PCDH11X: variants seen among roughly 807,000 people sequenced by gnomAD.
PCDH11X encodes protocadherin-11 X-linked.
PCDH11X carries 18 observed loss-of-function variants against 53.3 expected under a neutral mutation model. The ratio of observed to expected loss-of-function variants is 0.34; its 90% CI spans 0.23 to 0.50. PCDH11X has a LOEUF of 0.50. Among genes scored for constraint, PCDH11X ranks in the 20% least tolerant of loss-of-function variants. PCDH11X has a pLI of 0.98. For synonymous variants in PCDH11X, 279 were observed against 393.3 expected (o/e 0.71, Z 3.44); for missense variants, 570 against 1,032.4 (o/e 0.55, Z 6.14).
intron 10 of PCDH11X, among the ~76,000 whole-genome samples, chrX:92,482,430 C>T (rs1018360931): frequency 1.8e-5 from 2 of 109,984 alleles, no homozygotes; most frequent in Admixed American, 9.8e-5. Flanking sequence ...GAAAATACAG[C>T]TGTGTGCATA....
At chrX:92,287,642 T>A (rs942206542) in intron 8 of PCDH11X, among the ~76,000 whole-genome samples, 1 of 112,065 alleles carries the variant, frequency 8.9e-6, no homozygotes, top group Non-Finnish European at 1.9e-5. Context: ...TTTCTTCCTT[T>A]TCTTTTGTTT....
intron 10 of PCDH11X, among the ~76,000 whole-genome samples, chrX:92,514,895 A>C (rs2074232239): frequency 9.6e-6 from 1 of 104,679 alleles, no homozygotes; most frequent in Admixed American, 1.0e-4. Context: ...AAAATACAAA[A>C]AATTAGCCAG....
intron 6 of PCDH11X, among the ~76,000 whole-genome samples, chrX:91,989,574 CAA>C (rs11433718): frequency 9.7e-6 from 1 of 102,654 alleles, no homozygotes; most frequent in Non-Finnish European, 2.0e-5. Flanking sequence ...AAAACAACAA[CAA>C]AAAAAAGAAT....
chrX:92,591,191 A>T (rs752422225), intron 10 of PCDH11X, among the ~76,000 whole-genome samples: 9 of 110,741 alleles, frequency 8.1e-5, no homozygotes, highest in Admixed American at 1.9e-4. Flanking sequence ...AAATGGAAAA[A>T]GGTGATTTTC....
chrX:92,409,495 C>T (rs1182079119), intron 9 of PCDH11X, among the ~76,000 whole-genome samples: 2 of 112,097 alleles, frequency 1.8e-5, no homozygotes, highest in Non-Finnish European at 3.8e-5. Context: ...CAGATAAATT[C>T]TATATTGGTG....
intron 1 of PCDH11X, among the ~76,000 whole-genome samples, chrX:91,789,279 G>T (rs1428554679): frequency 1.0e-5 from 1 of 99,943 alleles, no homozygotes; most frequent in African/African-American, 3.6e-5. Flanking sequence ...ATGGTTGTTT[G>T]CTAGGTTGTG....
intron 7 of PCDH11X, among the ~76,000 whole-genome samples, chrX:92,205,165 G>A (rs2066453959): frequency 8.9e-6 from 1 of 111,797 alleles, no homozygotes; most frequent in Non-Finnish European, 1.9e-5. Context: ...GGACAGCTTG[G>A]CAGTTGGAAG....
chrX:91,911,608 C>T (rs2147803003), intron 6 of PCDH11X, among the ~76,000 whole-genome samples: 1 of 110,007 alleles, frequency 9.1e-6, no homozygotes, highest in South Asian at 3.9e-4. Flanking sequence ...ACTTACCCTC[C>T]TCTCCCCAAC....
chrX:92,065,077 C>T (rs766230888), intron 6 of PCDH11X, among the ~76,000 whole-genome samples: 85 of 100,439 alleles, frequency 8.5e-4, no homozygotes, highest in Non-Finnish European at 1.5e-3. Flanking sequence ...AGGGTGGATC[C>T]CTGGGGCTCG....
chrX:92,444,543 T>C (rs1184630501), intron 9 of PCDH11X, among the ~76,000 whole-genome samples: 2 of 109,774 alleles, frequency 1.8e-5, no homozygotes, highest in Non-Finnish European at 3.8e-5. Flanking sequence ...TTCCCTTTCC[T>C]GATTGCTCTG....
intron 8 of PCDH11X, among the ~76,000 whole-genome samples, chrX:92,325,883 G>T (rs1458299460): frequency 9.0e-6 from 1 of 111,259 alleles, no homozygotes; most frequent in Non-Finnish European, 1.9e-5. Flanking sequence ...TCTCTCTGTA[G>T]TCAAGTGTTT....
rs781448156 is a variant in PCDH11X, at chrX:92,104,956, C to A, written c.3034-96419C>A. Among the ~76,000 whole-genome samples the A allele has an allele frequency of 2.4e-3, 270 of 110,528 alleles. 1 individual carries two copies. The highest frequency in any genetic ancestry group is 9.3e-3 in the Middle Eastern group (2 of 214). Reference sequence around the variant, plus strand: ...GTGAAGGAGAAGGGGTTGAGGGGTACTTGCCCCTGCCCCAGGAAAGCGAGA... The same window carrying A: ...GTGAAGGAGAAGGGGTTGAGGGGTAATTGCCCCTGCCCCAGGAAAGCGAGA... On this transcript the variant is annotated intron_variant, in intron 6 of 10. Coordinates refer to ENST00000682573, the MANE Select transcript of PCDH11X (RefSeq NM_032968.5).
rs768042913 is a variant in PCDH11X, at chrX:91,815,068, T to C, written c.-45+3773T>C. ...AGGTAGACACAATTGTTAACCCTGT[T>C]TTACACAAAGATACAGAGAATTTAA... On this transcript the variant is annotated intron_variant, in intron 4 of 10. Transcript: ENST00000682573. 7.6e-4 allele frequency among the ~76,000 whole-genome samples: 84 copies of C among 110,929 alleles called. 1 individual carries two copies. The highest frequency in any genetic ancestry group is 2.7e-3 in the African/African-American group (81 of 30,520).
At chrX:92,133,602 G>A (rs1028380189) in intron 6 of PCDH11X, among the ~76,000 whole-genome samples, 19 of 112,136 alleles carry the variant, frequency 1.7e-4, no homozygotes, top group Admixed American at 1.9e-4. Context: ...CCCACCTCAG[G>A]TGATCACCCC....
intron 6 of PCDH11X, among the ~76,000 whole-genome samples, chrX:91,941,092 T>C (rs1367642741): frequency 3.3e-4 from 37 of 110,574 alleles, no homozygotes; most frequent in Middle Eastern, 4.6e-3. Context: ...AAAGGATAAA[T>C]GCTCAAGGGG....
intron 6 of PCDH11X, among the ~76,000 whole-genome samples, chrX:92,019,613 G>A (rs35623455): frequency 2.7e-5 from 3 of 111,722 alleles, no homozygotes; most frequent in East Asian, 5.7e-4. Flanking sequence ...AATAACTTTC[G>A]GGTAAATAAT....
chrX:92,466,069 T>C (rs1363156409), intron 9 of PCDH11X, among the ~76,000 whole-genome samples: 1 of 111,520 alleles, frequency 9.0e-6, no homozygotes, highest in African/African-American at 3.2e-5. Context: ...AAAAACAATC[T>C]TCTTGTTAAA....
intron 6 of PCDH11X, among the ~76,000 whole-genome samples, chrX:92,085,188 G>A (rs1373461092): frequency 9.0e-6 from 1 of 110,506 alleles, no homozygotes; most frequent in Non-Finnish European, 1.9e-5. Context: ...TTTGCTGCTT[G>A]TGATTGACTG....
At chrX:92,521,213 A>G (rs1405170035) in intron 10 of PCDH11X, among the ~76,000 whole-genome samples, 1 of 112,129 alleles carries the variant, frequency 8.9e-6, no homozygotes, top group South Asian at 3.7e-4. Flanking sequence ...TAATGCAGCT[A>G]TACCCATGGA....
Sources: allele counts gnomAD v4.1 joint callset (sites outside exome capture counted in the v4.1 genomes callset), GRCh38; gene constraint gnomAD v4.1.1; transcripts MANE v1.5; gene names NCBI Gene and HGNC (gene_info 2026-07-23, HGNC 2026-07-21).